Variants in ATP2B1 observed in about 807,000 individuals in gnomAD.
ATP2B1 encodes plasma membrane calcium-transporting ATPase 1.
ATP2B1 carries 14 observed loss-of-function variants against 124.2 expected under a neutral mutation model. That is an observed-to-expected ratio of 0.11 (90% CI 0.07 to 0.18). ATP2B1 has a LOEUF of 0.18. Ranked by LOEUF, ATP2B1 falls within the 10% of genes least tolerant of loss-of-function variation. The pLI is 1.00. For synonymous variants in ATP2B1, 449 were observed against 492.4 expected, an observed-to-expected ratio of 0.91 and a Z score of 1.17; for missense variants, 763 against 1,466.1, an observed-to-expected ratio of 0.52 and a Z score of 7.83.
At chr12:89,637,299 G>A (rs760331733) in intron 3 of ATP2B1, among the ~76,000 whole-genome samples, 8 of 152,112 alleles carry the variant, frequency 5.3e-5, no homozygotes, top group Non-Finnish European at 1.2e-4. Context: ...TTTATATAAT[G>A]TTGTGTTTCT....
chr12:89,664,197 T>C (rs1261900192), intron 1 of ATP2B1, among the ~76,000 whole-genome samples: 1 of 152,188 alleles, frequency 6.6e-6, no homozygotes, highest in Non-Finnish European at 1.5e-5. Context: ...TCCCACACCC[T>C]TTAGTCTATA....
intron 19 of ATP2B1, 76 bp from the exon 20 acceptor site, chr12:89,599,375 T>C: frequency 6.8e-7 from 1 of 1,475,772 alleles, no homozygotes; most frequent in Non-Finnish European, 9.2e-7. Flanking sequence ...ATACTAAAGG[T>C]ATTAAAAGTG....
intron 1 of ATP2B1, among the ~76,000 whole-genome samples, chr12:89,704,701 T>C (rs1486437325): frequency 1.3e-5 from 2 of 152,194 alleles, no homozygotes; most frequent in Non-Finnish European, 2.9e-5. Context: ...TGAGGTCATA[T>C]GTAAATACAT....
chr12:89,613,919 A>G (rs749131819), intron 12 of ATP2B1, among the ~76,000 whole-genome samples: 38 of 152,222 alleles, frequency 2.5e-4, no homozygotes, highest in Admixed American at 2.3e-3. Context: ...GAATCCCTCC[A>G]CCAGAATTGC....
chr12:89,659,269 C>T (rs1276563814), intron 1 of ATP2B1, among the ~76,000 whole-genome samples: 1 of 152,102 alleles, frequency 6.6e-6, no homozygotes, highest in Non-Finnish European at 1.5e-5. Context: ...AAAGAAAGCA[C>T]ATGTAGGCCT....
rs544029842 is a variant in ATP2B1, at chr12:89,618,986, T to C, written c.1829+1013A>G. Among the ~76,000 whole-genome samples the C allele has an allele frequency of 2.9e-3, 436 of 152,284 alleles. 1 individual carries two copies. The highest frequency in any genetic ancestry group is 1.0e-2 in the African/African-American group (414 of 41,572). On this transcript the variant is annotated intron_variant, in intron 11 of 20. Transcript: ENST00000428670. ...CCAACTTGCTCTTAACCAGTATTTT[T>C]TTTTAACCAGTTCTCTACTTCTTTA...
chr12:89,599,415 A>T, intron 19 of ATP2B1, 116 bp from the exon 20 acceptor site: 1 of 1,052,962 alleles, frequency 9.5e-7, no homozygotes, highest in South Asian at 1.8e-5. Flanking sequence ...TTTACCAATG[A>T]AGTAATGGGA....
chr12:89,606,424 C>T (rs1010934362), intron 15 of ATP2B1, among the ~76,000 whole-genome samples: 5 of 152,166 alleles, frequency 3.3e-5, no homozygotes, highest in African/African-American at 1.2e-4. Flanking sequence ...TATAGAACTA[C>T]TTGACCTTTT....
At chr12:89,689,072 T>C (rs1278483392) in intron 1 of ATP2B1, among the ~76,000 whole-genome samples, 2 of 152,088 alleles carry the variant, frequency 1.3e-5, no homozygotes, top group East Asian at 1.9e-4. Flanking sequence ...AACCACCTAT[T>C]CTGATTGGCA....
Position 89,610,477 on chromosome 12 carries a change from G to C in ATP2B1, c.2279C>G (p.Pro760Arg). 6.2e-7 allele frequency: 1 copy of C among 1,613,660 alleles called. No individual in the cohort carries two copies. Among genetic ancestry groups the C allele is most frequent in the South Asian group, 1.1e-5 (1 of 91,078 alleles). Residue 760 changes from proline (P) to arginine (R), a missense_variant, in exon 14 of 21, where the codon CCA (proline) becomes CGA (arginine). Transcript: ENST00000428670. Reference protein sequence around the residue: ...IEQERIDKIWPKLRVLARSSP... With the variant: ...IEQERIDKIWRKLRVLARSSP... ...TGATCTTGCAAGTACTCGAAGTTTT[G>C]GCCAAATCTTGTCTATCCTCTCTTG...
chr12:89,611,606 TA>T (rs1339854239), intron 12 of ATP2B1: 1 of 369,096 alleles, frequency 2.7e-6, no homozygotes, highest in Non-Finnish European at 4.7e-6. Flanking sequence ...AGTTGTCATC[TA>T]CTAATTTGTT....
chr12:89,656,250 A>G (rs1229608337), intron 1 of ATP2B1, 143 bp from the exon 2 acceptor site: 1 of 388,916 alleles, frequency 2.6e-6, no homozygotes, highest in Non-Finnish European at 4.5e-6. Flanking sequence ...TTGTGCTTTT[A>G]AAGTGCTTTG....
At chr12:89,629,654 G>C (rs1249270345) in intron 6 of ATP2B1, among the ~76,000 whole-genome samples, 1 of 152,206 alleles carries the variant, frequency 6.6e-6, no homozygotes, top group Non-Finnish European at 1.5e-5. Flanking sequence ...TAGCCAGGCA[G>C]TTATTTTAGA....
intron 2 of ATP2B1, among the ~76,000 whole-genome samples, chr12:89,647,901 A>C (rs1402272789): frequency 6.6e-6 from 1 of 151,954 alleles, no homozygotes; most frequent in Non-Finnish European, 1.5e-5. Context: ...TCTCACTCTC[A>C]CTCTCATCAT....
chr12:89,599,862 C>A (rs1322139381), intron 19 of ATP2B1, among the ~76,000 whole-genome samples: 2 of 152,046 alleles, frequency 1.3e-5, no homozygotes, highest in Non-Finnish European at 2.9e-5. Context: ...ACAAAGGATA[C>A]AAGAAACACC....
At chr12:89,617,346 T>C in intron 11 of ATP2B1, among the ~76,000 whole-genome samples, 1 of 152,194 alleles carries the variant, frequency 6.6e-6, no homozygotes, top group Admixed American at 6.5e-5. Context: ...CAAAGGAGAA[T>C]AAACTATATA....
At chr12:89,601,215 C>T in intron 19 of ATP2B1, 111 bp downstream of exon 19, 1 of 764,570 alleles carries the variant, frequency 1.3e-6, no homozygotes, top group Non-Finnish European at 2.1e-6. Flanking sequence ...TCTCTTTACT[C>T]ACCACATTAA....
intron 1 of ATP2B1, among the ~76,000 whole-genome samples, chr12:89,697,989 C>G (rs1451428271): frequency 6.6e-6 from 1 of 152,180 alleles, no homozygotes; most frequent in East Asian, 1.9e-4. Flanking sequence ...TCTCCTGCCT[C>G]AGCCTCTAGT....
At chr12:89,638,413 T>C (rs969045758) in intron 3 of ATP2B1, among the ~76,000 whole-genome samples, 6 of 152,196 alleles carry the variant, frequency 3.9e-5, no homozygotes, top group Non-Finnish European at 1.5e-5. Flanking sequence ...TCGTGAAACC[T>C]GAGAGGGATT....
Sources: allele counts gnomAD v4.1 joint callset (sites outside exome capture counted in the v4.1 genomes callset), GRCh38; gene constraint gnomAD v4.1.1; transcripts MANE v1.5; gene names NCBI Gene and HGNC (gene_info 2026-07-23, HGNC 2026-07-21).